Variants in ANKRD7 observed in about 807,000 individuals in gnomAD.
The protein encoded by ANKRD7 is ankyrin repeat domain 7, also known as ankyrin repeat domain-containing protein 7.
Under a neutral mutation model 30.8 loss-of-function variants are expected in ANKRD7, and 30 were observed. That is an observed-to-expected ratio of 0.97 (90% confidence interval 0.73 to 1.32). The LOEUF (loss-of-function observed/expected upper bound fraction) is 1.32. ANKRD7 is among the 40% of genes most tolerant of loss of function. The pLI is 0.00. For missense variants in ANKRD7, 264 were observed against 295.7 expected (o/e 0.89, Z 0.79); for synonymous variants, 97 against 106.6 (o/e 0.91, Z 0.55).
In ANKRD7 at chr7:118,236,943, G is replaced by A. The variant is rs1310459173; in HGVS notation, c.712+17G>A. ...TTTTACTGCGTAAGTGATACTGCAT[G>A]TCTTTTAACAACTGTATGGGGTTTG... On this transcript the variant is annotated intron_variant, in intron 5 of 6. Coordinates refer to ENST00000265224, the MANE Select transcript of ANKRD7 (RefSeq NM_019644.4). 6.2e-7 allele frequency: 1 copy of A among 1,612,116 alleles called. No individual in the cohort carries two copies. The highest frequency in any genetic ancestry group is 8.5e-7 in the Non-Finnish European group (1 of 1,178,974).
At chr7:118,232,369 CTT>C (rs1809656803) in intron 1 of ANKRD7, among the ~76,000 whole-genome samples, 1 of 151,894 alleles carries the variant, frequency 6.6e-6, no homozygotes, top group Non-Finnish European at 1.5e-5. Context: ...AAGTGAAAAT[CTT>C]TGCAAGATTG....
At chr7:118,231,376 C>G (rs1264568411) in intron 1 of ANKRD7, among the ~76,000 whole-genome samples, 3 of 152,070 alleles carry the variant, frequency 2.0e-5, no homozygotes, top group African/African-American at 2.4e-5. Flanking sequence ...CCCTTAAGAT[C>G]TATACATAAC....
rs1205675758 is a variant in ANKRD7, at chr7:118,238,042, G to GT, written c.712+1117dup. Among the ~76,000 whole-genome samples, 5 of 152,034 alleles carry GT rather than the reference G, an allele frequency of 3.3e-5. No individual in the cohort carries two copies. The East Asian group carries it at 9.7e-4, about 29-fold the overall frequency. ...TATCTGTTTAGTAATGTATCTATTG[G>GT]TCAAAAACAGAACTTGTATATTTAA... On this transcript the variant is annotated intron_variant, in intron 5 of 6. Transcript: ENST00000265224.
chr7:118,240,737 ATAG>A (rs1189712852), intron 6 of ANKRD7, among the ~76,000 whole-genome samples: 3 of 152,172 alleles, frequency 2.0e-5, no homozygotes, highest in Admixed American at 6.5e-5. Flanking sequence ...AGCACTGTTG[ATAG>A]TAGTTAATAT....
At chr7:118,233,594 G>A (rs1809676046) in intron 1 of ANKRD7, among the ~76,000 whole-genome samples, 1 of 152,032 alleles carries the variant, frequency 6.6e-6, no homozygotes, top group Non-Finnish European at 1.5e-5. Flanking sequence ...CTACTCCTGT[G>A]TGTCAATAGC....
intron 1 of ANKRD7, chr7:118,228,066 A>T: frequency 7.8e-7 from 1 of 1,286,198 alleles, no homozygotes; most frequent in Non-Finnish European, 1.0e-6. Context: ...TCAGCAAAGT[A>T]TTTTATTTGC....
intron 1 of ANKRD7, among the ~76,000 whole-genome samples, chr7:118,226,326 T>C (rs1259055234): frequency 6.6e-6 from 1 of 151,934 alleles, no homozygotes; most frequent in Non-Finnish European, 1.5e-5. Flanking sequence ...CATATACACT[T>C]AACCCTTGAA....
intron 5 of ANKRD7, among the ~76,000 whole-genome samples, chr7:118,237,231 C>T (rs1168850918): frequency 6.6e-6 from 1 of 152,182 alleles, no homozygotes; most frequent in Non-Finnish European, 1.5e-5. Context: ...AAAGATGATT[C>T]ATTCACACAA....
chr7:118,229,047 G>T (rs1466576810), intron 1 of ANKRD7, among the ~76,000 whole-genome samples: 1 of 152,088 alleles, frequency 6.6e-6, no homozygotes, highest in Non-Finnish European at 1.5e-5. Context: ...CCTGTTACTT[G>T]TCTGATCTTA....
At chr7:118,236,214 G>GTGTGTT in intron 4 of ANKRD7, 67 bp downstream of exon 4, 1 of 637,160 alleles carries the variant, frequency 1.6e-6, no homozygotes, top group Non-Finnish European at 2.7e-6. Flanking sequence ...GTGCGTATGT[G>GTGTGTT]TGTGTGTGTG....
chr7:118,229,475 T>C (rs2109858), intron 1 of ANKRD7, among the ~76,000 whole-genome samples: 2,800 of 152,200 alleles, frequency 0.018, 42 homozygotes, highest in East Asian at 0.077. Context: ...CCTAGAACCC[T>C]GCCTAGCCAT....
chr7:118,228,016 T>A, intron 1 of ANKRD7: 1 of 1,307,698 alleles, frequency 7.6e-7, no homozygotes, highest in Non-Finnish European at 1.0e-6. Context: ...CAATGTGACT[T>A]CATTCAGGGG....
In ANKRD7 at chr7:118,239,906, T is replaced by C; in HGVS notation, c.713-3T>C. On this transcript the variant is annotated splice_region_variant and splice_polypyrimidine_tract_variant and intron_variant, in intron 5 of 6. Coordinates refer to ENST00000265224, the MANE Select transcript of ANKRD7 (RefSeq NM_019644.4). ...TGGCATTCACACGTAATTTCCTTTA[T>C]AGATAGATACCCACAATTCACTGCG... 1.3e-6 allele frequency: 2 copies of C among 1,584,056 alleles called. No homozygotes were observed. The highest frequency in any genetic ancestry group is 1.7e-6 in the Non-Finnish European group (2 of 1,159,314).
At chr7:118,234,378 A>C in intron 1 of ANKRD7, 53 bp from the exon 2 acceptor site, 1 of 1,277,346 alleles carries the variant, frequency 7.8e-7, no homozygotes, top group South Asian at 1.5e-5. Context: ...AAAACAAGTA[A>C]CTTCTCAAAC....
intron 1 of ANKRD7, among the ~76,000 whole-genome samples, chr7:118,229,512 A>C (rs895159143): frequency 6.6e-5 from 10 of 152,156 alleles, no homozygotes; most frequent in African/African-American, 2.4e-4. Context: ...TTTTAAAATA[A>C]ATGAATGAAA....
chr7:118,227,435 ATCTC>A (rs755231946), intron 1 of ANKRD7, among the ~76,000 whole-genome samples: 7 of 152,176 alleles, frequency 4.6e-5, no homozygotes, highest in African/African-American at 1.7e-4. Context: ...GGTGTTCTGA[ATCTC>A]TCTATTAGTT....
chr7:118,236,716 G>A, intron 4 of ANKRD7, 74 bp from the exon 5 acceptor site: 1 of 1,485,266 alleles, frequency 6.7e-7, no homozygotes, highest in South Asian at 1.3e-5. Flanking sequence ...GTAGTAAATT[G>A]AGAAGACTGA....
At chr7:118,227,366 G>T (rs1809562389) in intron 1 of ANKRD7, among the ~76,000 whole-genome samples, 2 of 152,212 alleles carry the variant, frequency 1.3e-5, no homozygotes, top group Non-Finnish European at 2.9e-5. Context: ...AAGCTGGGAG[G>T]TAGTGGGTCT....
intron 6 of ANKRD7, among the ~76,000 whole-genome samples, chr7:118,241,810 A>G (rs1012852379): frequency 6.6e-6 from 1 of 151,916 alleles, no homozygotes; most frequent in African/African-American, 2.4e-5. Context: ...AAGTGCTATA[A>G]TTACATGCGT....
Sources: allele counts gnomAD v4.1 joint callset (sites outside exome capture counted in the v4.1 genomes callset), GRCh38; gene constraint gnomAD v4.1.1; transcripts MANE v1.5; gene names NCBI Gene and HGNC (gene_info 2026-07-23, HGNC 2026-07-21).